The following RPTOR variants were observed in gnomAD, a reference collection of about 807,000 sequenced individuals.
RPTOR encodes the protein regulatory associated protein of MTOR complex 1, also known as regulatory-associated protein of mTOR.
Under a neutral mutation model 169.9 loss-of-function variants are expected in RPTOR, and 21 were observed. The observed-to-expected ratio is 0.12, with a 90% CI of 0.09 to 0.18. RPTOR has a LOEUF of 0.18. RPTOR is among the 10% of genes least tolerant of loss of function. The pLI is 1.00. For missense variants in RPTOR, 1,133 were observed against 1,855.9 expected (o/e 0.61, Z 7.16); for synonymous variants, 732 against 753.2 (o/e 0.97, Z 0.46).
intron 14 of RPTOR, 103 bp from the exon 15 acceptor site, chr17:80,883,316 C>T (rs748851031): frequency 5.5e-5 from 55 of 993,848 alleles, no homozygotes; most frequent in Non-Finnish European, 6.8e-5. Context: ...TTTAATTATG[C>T]GCCACGCGTG....
chr17:80,949,575 C>T (rs1431746707), intron 28 of RPTOR, 28 bp downstream of exon 28: 2 of 1,578,594 alleles, frequency 1.3e-6, no homozygotes, highest in Non-Finnish European at 1.7e-6. Flanking sequence ...CTCCCCAGAG[C>T]AGAATGTGTT....
At chr17:80,826,127 A>G (rs951812285) in intron 9 of RPTOR, among the ~76,000 whole-genome samples, 4 of 152,048 alleles carry the variant, frequency 2.6e-5, no homozygotes, top group South Asian at 2.1e-4. Context: ...GCCGTGAGCC[A>G]CCTGCCTGTG....
At chr17:80,615,322 G>C (rs938893472) in intron 1 of RPTOR, among the ~76,000 whole-genome samples, 1 of 152,218 alleles carries the variant, frequency 6.6e-6, no homozygotes, top group African/African-American at 2.4e-5. Flanking sequence ...CGGGGGCCTC[G>C]AGTCTCAGGG....
chr17:80,771,016 C>T (rs1043373737), intron 6 of RPTOR, among the ~76,000 whole-genome samples: 5 of 152,232 alleles, frequency 3.3e-5, no homozygotes, highest in African/African-American at 7.2e-5. Context: ...CCGGAACCAT[C>T]GAGGTGATCG....
intron 6 of RPTOR, among the ~76,000 whole-genome samples, chr17:80,784,732 C>G (rs1188279142): frequency 6.7e-6 from 1 of 148,522 alleles, no homozygotes; most frequent in African/African-American, 2.5e-5. Context: ...GAGTTTCGCT[C>G]TTTTTGCCAA....
chr17:80,763,746 G>A (rs2066758060), intron 6 of RPTOR, among the ~76,000 whole-genome samples: 1 of 152,250 alleles, frequency 6.6e-6, no homozygotes, highest in Non-Finnish European at 1.5e-5. Context: ...TCAGCATCGT[G>A]TGAACTCCGT....
chr17:80,670,507 G>A (rs1461834155), intron 3 of RPTOR, among the ~76,000 whole-genome samples: 1 of 152,074 alleles, frequency 6.6e-6, no homozygotes, highest in East Asian at 1.9e-4. Flanking sequence ...TTTTCTATTT[G>A]TACCCTATTT....
intron 9 of RPTOR, among the ~76,000 whole-genome samples, chr17:80,834,548 C>T (rs956892060): frequency 6.6e-6 from 1 of 152,172 alleles, no homozygotes; most frequent in Non-Finnish European, 1.5e-5. Context: ...GGTCAGTCCC[C>T]GCCTCCCACC....
At chr17:80,685,399 C>T (rs1452880825) in intron 3 of RPTOR, among the ~76,000 whole-genome samples, 1 of 151,614 alleles carries the variant, frequency 6.6e-6, no homozygotes, top group Non-Finnish European at 1.5e-5. Context: ...CCTCAGCCTC[C>T]TGAGTAGCTG....
At chr17:80,857,363 G>A (rs905188338) in intron 12 of RPTOR, among the ~76,000 whole-genome samples, 2 of 150,812 alleles carry the variant, frequency 1.3e-5, no homozygotes, top group Non-Finnish European at 3.0e-5. Context: ...TGGCCGTGGT[G>A]TCACGGAGAG....
chr17:80,846,326 C>G lies in RPTOR; in HGVS notation c.1213-147C>G, dbSNP rs2067729654. ...CTCCCTCTTTGGCATGCCCAGAGCG[C>G]CCGCTTCTCAGCCGCCTGGCATCCT... On this transcript the variant is annotated intron_variant, in intron 10 of 33. Transcript: ENST00000306801. The G allele has an allele frequency of 6.9e-6, 5 of 724,332 alleles. No individual in the cohort carries two copies. In the South Asian group the frequency reaches 8.6e-5, roughly 12 times the overall value. The allele number at this position is 724,332 out of a possible 1,614,324, so 44.9% of individuals were successfully genotyped here. A position where few individuals can be genotyped will look rare whatever the true frequency, so the allele number is the denominator to read the frequency against.
At chr17:80,743,110 G>T (rs1053160999) in intron 5 of RPTOR, among the ~76,000 whole-genome samples, 5 of 152,164 alleles carry the variant, frequency 3.3e-5, no homozygotes, top group African/African-American at 1.2e-4. Context: ...CCCACTTTAT[G>T]CTCAGCTCTT....
At chr17:80,954,852 G>A (rs1035048849) in intron 28 of RPTOR, among the ~76,000 whole-genome samples, 4 of 152,138 alleles carry the variant, frequency 2.6e-5, no homozygotes, top group Non-Finnish European at 2.9e-5. Flanking sequence ...GGGAGGCGGA[G>A]GTTGCAGTGA....
Position 80,697,333 on chromosome 17 carries a change from A to G in RPTOR, c.349-10508A>G, listed in dbSNP as rs1347271944. On this transcript the variant is annotated intron_variant, in intron 3 of 33. Transcript: ENST00000306801. ...TTATTCAGAAAGAATCAATTGGGAA[A>G]GGGTGGGCAAACGGGAATAGGAGTT... 3.3e-5 allele frequency among the ~76,000 whole-genome samples: 5 copies of G among 152,374 alleles called. No individual in the cohort carries two copies. The East Asian group carries it at 7.7e-4, about 23-fold the overall frequency.
chr17:80,585,279 AC>A (rs1384170608), intron 1 of RPTOR, among the ~76,000 whole-genome samples: 1 of 150,520 alleles, frequency 6.6e-6, no homozygotes, highest in Admixed American at 6.6e-5. Flanking sequence ...ATCTCGACTC[AC>A]TGCAAACTCC....
At chr17:80,864,986 C>T (rs1241529709) in intron 13 of RPTOR, among the ~76,000 whole-genome samples, 1 of 152,176 alleles carries the variant, frequency 6.6e-6, no homozygotes, top group African/African-American at 2.4e-5. Context: ...AGCCACGGCA[C>T]CCCACAGAAT....
chr17:80,889,763 TCCA>T, intron 17 of RPTOR, among the ~76,000 whole-genome samples: 1 of 152,144 alleles, frequency 6.6e-6, no homozygotes, highest in East Asian at 1.9e-4. Flanking sequence ...GGCAGCAGCC[TCCA>T]GAGCGAGGCC....
At chr17:80,563,018 A>G (rs1473740455) in intron 1 of RPTOR, among the ~76,000 whole-genome samples, 1 of 152,092 alleles carries the variant, frequency 6.6e-6, no homozygotes, top group African/African-American at 2.4e-5. Context: ...CTGCATCAAT[A>G]GTGGGCCGTT....
chr17:80,685,621 ATATATATTTTTTTT>A (rs1308077761), intron 3 of RPTOR, among the ~76,000 whole-genome samples: 7 of 15,692 alleles, frequency 4.5e-4, no homozygotes, highest in African/African-American at 1.5e-3. Context: ...ATATATATAT[ATATATATTTTTTTT>A]TTTTTTTTTT....
Sources: allele counts gnomAD v4.1 joint callset (sites outside exome capture counted in the v4.1 genomes callset), GRCh38; gene constraint gnomAD v4.1.1; transcripts MANE v1.5; gene names NCBI Gene and HGNC (gene_info 2026-07-23, HGNC 2026-07-21).